The following NOTCH3 variants were observed in gnomAD, a reference collection of about 807,000 sequenced individuals.
NOTCH3 encodes the protein notch receptor 3, also known as neurogenic locus notch homolog protein 3.
Under a neutral mutation model 213.3 loss-of-function variants are expected in NOTCH3, and 86 were observed. That is an observed-to-expected ratio of 0.40 (90% confidence interval 0.34 to 0.48). The LOEUF (loss-of-function observed/expected upper bound fraction) is 0.48, where lower values mean the gene tolerates loss of function less well. Ranked by LOEUF, NOTCH3 falls within the 20% of genes least tolerant of loss-of-function variation. The probability of loss-of-function intolerance (pLI) is 0.57; values close to 1 mark genes in which losing one functional copy is unlikely to be tolerated. For missense variants in NOTCH3, 2,783 were observed against 3,272.6 expected (o/e 0.85, Z 3.65); for synonymous variants, 1,354 against 1,355.9 (o/e 1.00, Z 0.03).
At position 15,159,329 on chromosome 19, in the gene NOTCH3, C is replaced by T. The variant is rs1459494078; in HGVS notation, c.*1333G>A. 1.3e-5 allele frequency: 2 copies of T among 159,414 alleles called. No individual in the cohort carries two copies. Among genetic ancestry groups the T allele is most frequent in the Non-Finnish European group, 2.8e-5 (2 of 72,328 alleles). The allele number at this position is 159,414 out of a possible 1,614,324, so 9.9% of individuals were successfully genotyped here. On this transcript the variant is annotated 3_prime_UTR_variant, in exon 33 of 33. Transcript: ENST00000263388. ...CCTGTTTGCTTGTCTCTTTGCCCAC[C>T]ACCTCGAATTGGCCACTGATATTTC...
In NOTCH3 at chr19:15,189,041, G is replaced by A; in HGVS notation, c.1326C>T (p.Asn442=). ...CTATGCGGTCGAGGCACGTGGCCTG[G>A]TTTCGGCAGGGCCCCGACAGACACT... is the stretch of plus-strand genomic sequence containing the variant. ...VNECLSGPCR[N]QATCLDRIGQ... The change falls in exon 8 of 33, where the codon AAC becomes AAT. Residue 442 remains asparagine, a synonymous_variant. Coordinates refer to ENST00000263388, the MANE Select transcript of NOTCH3 (RefSeq NM_000435.3). 1 of 1,613,166 alleles carries A rather than the reference G, an allele frequency of 6.2e-7. No individual in the cohort carries two copies. The highest frequency in any genetic ancestry group is 8.5e-7 in the Non-Finnish European group (1 of 1,180,016).
intron 25 of NOTCH3, among the ~76,000 whole-genome samples, chr19:15,173,054 C>CCCTCCTTCTCCT (rs1568351206): frequency 1.8e-4 from 1 of 5,526 alleles, no homozygotes; most frequent in African/African-American, 1.9e-3. Flanking sequence ...TCCCTCCTCC[C>CCCTCCTTCTCCT]TCTTCTTCTT....
chr19:15,162,283 T>G, intron 32 of NOTCH3, 182 bp downstream of exon 32: 11 of 597,628 alleles, frequency 1.8e-5, no homozygotes, highest in East Asian at 2.9e-5. Context: ...CACCCAGCCA[T>G]TAGGCACAAA....
rs1199803741 is a variant in NOTCH3, at chr19:15,161,374, G to A, written c.6254C>T (p.Thr2085Met). The A allele has an allele frequency of 2.8e-5, 43 of 1,525,518 alleles. No homozygotes were observed. Among genetic ancestry groups the A allele is most frequent in the Non-Finnish European group, 3.5e-5 (40 of 1,138,184 alleles). 94.5% of individuals were successfully genotyped at this position (1,525,518 alleles called of 1,614,324 possible). Residue 2085 changes from threonine to methionine, a missense_variant, in exon 33 of 33, where the codon ACG (threonine) becomes ATG (methionine). Thr to Met is a moderately conservative substitution (Grantham distance 81). Transcript: ENST00000263388. Reference protein sequence around the residue: ...QGPRGRGKKLTLACPGPLADS... With the variant: ...QGPRGRGKKLMLACPGPLADS... Reference sequence around the variant, plus strand: ...AGCCAGGGGGCCCGGGCAGGCCAGCGTCAGCTTCTTGCCCCGCCCCCGGGG... The same window carrying A: ...AGCCAGGGGGCCCGGGCAGGCCAGCATCAGCTTCTTGCCCCGCCCCCGGGG...
In NOTCH3 at chr19:15,179,185, C is replaced by T. The variant is rs1412695768; in HGVS notation, c.3558G>A (p.Val1186=). ...GGGGACAGGTGCAGCGGAAACCACC[C>T]ACCAGGTCCACGCAGGTGCCATTGT... ...CLHNGTCVDL[V]GGFRCTCPPG... Residue 1186 remains valine (V), a synonymous_variant, in exon 22 of 33, where the codon GTG becomes GTA. Transcript: ENST00000263388. 1.2e-6 allele frequency: 2 copies of T among 1,614,098 alleles called. No homozygotes were observed. Among genetic ancestry groups the T allele is most frequent in the East Asian group, 2.2e-5 (1 of 44,872 alleles).
Position 15,160,961 on chromosome 19 carries a change from C to A in NOTCH3, c.6667G>T (p.Ala2223Ser). The A allele has an allele frequency of 6.3e-7, 1 of 1,576,358 alleles. No individual in the cohort carries two copies. Reference sequence around the variant, plus strand: ...GGGGGGCTGCTGTGTGCCCCAGCCGCCGGGTACTCCTCGCCATGTCCTGGG... The same window carrying A: ...GGGGGGCTGCTGTGTGCCCCAGCCGACGGGTACTCCTCGCCATGTCCTGGG... ...AVPGHGEEYP[A>S]AGAHSSPPKA... The change falls in exon 33 of 33, where the codon GCG (alanine) becomes TCG (serine). Residue 2223 changes from alanine to serine, a missense_variant. Ala to Ser is a moderately conservative substitution (Grantham distance 99, BLOSUM62 1). Coordinates refer to ENST00000263388, the MANE Select transcript of NOTCH3 (RefSeq NM_000435.3).
At chr19:15,171,981 C>T in intron 25 of NOTCH3, among the ~76,000 whole-genome samples, 1 of 151,520 alleles carries the variant, frequency 6.6e-6, no homozygotes, top group Non-Finnish European at 1.5e-5. Flanking sequence ...GCCACAACCT[C>T]CACGTCCAGG....
At chr19:15,189,709 G>A (rs2145437791) in intron 6 of NOTCH3, among the ~76,000 whole-genome samples, 1 of 151,814 alleles carries the variant, frequency 6.6e-6, no homozygotes, top group South Asian at 2.1e-4. Context: ...AGTAGAAACG[G>A]GGTTTCACCA....
At chr19:15,171,069 G>A (rs986257993) in intron 25 of NOTCH3, among the ~76,000 whole-genome samples, 3 of 152,148 alleles carry the variant, frequency 2.0e-5, no homozygotes, top group Non-Finnish European at 4.4e-5. Flanking sequence ...ATCTTGCACC[G>A]AGGCTGGAGT....
intron 16 of NOTCH3, among the ~76,000 whole-genome samples, chr19:15,183,499 A>C (rs1025633795): frequency 3.9e-5 from 6 of 152,190 alleles, no homozygotes; most frequent in Admixed American, 3.9e-4. Flanking sequence ...TCCAAGGTTC[A>C]AGTGATTCTC....
chr19:15,179,443 G>A lies in NOTCH3; in HGVS notation c.3381C>T (p.Ala1127=), dbSNP rs2145419049. 6.2e-7 allele frequency: 1 copy of A among 1,614,028 alleles called. No individual in the cohort carries two copies. Among genetic ancestry groups the A allele is most frequent in the Non-Finnish European group, 8.5e-7 (1 of 1,179,974 alleles). ...DNCEDDVDEC[A]SQPCQHGGSC... Reference sequence around the variant, plus strand: ...AACCCCCGTGCTGGCAGGGCTGGGAGGCACACTCGTCCACGTCGTCCTCAC... The same window carrying A: ...AACCCCCGTGCTGGCAGGGCTGGGAAGCACACTCGTCCACGTCGTCCTCAC... Residue 1127 remains alanine, a synonymous_variant, in exon 21 of 33, where the codon GCC becomes GCT. Coordinates refer to ENST00000263388, the MANE Select transcript of NOTCH3 (RefSeq NM_000435.3).
intron 18 of NOTCH3, 46 bp downstream of exon 18, chr19:15,180,915 G>T: frequency 6.3e-7 from 1 of 1,586,264 alleles, no homozygotes. Flanking sequence ...TCCCTCCTAG[G>T]ATCCCAGGCA....
At chr19:15,163,158 G>A (rs2046659780) in intron 31 of NOTCH3, among the ~76,000 whole-genome samples, 1 of 152,108 alleles carries the variant, frequency 6.6e-6, no homozygotes. Flanking sequence ...ACCAGCCTTG[G>A]CCTCCCAAAG....
chr19:15,180,266 G>C lies in NOTCH3; in HGVS notation c.3143-10C>G. On this transcript the variant is annotated splice_polypyrimidine_tract_variant and intron_variant, in intron 19 of 32. Coordinates refer to ENST00000263388, the MANE Select transcript of NOTCH3 (RefSeq NM_000435.3). ...TGCTCCAGCCGCACCCCTGCAAAGA[G>C]GAGAGTGGCACAGGAACAGAGGTAA... The C allele has an allele frequency of 6.2e-7, 1 of 1,613,616 alleles. No homozygotes were observed. Among genetic ancestry groups the C allele is most frequent in the Non-Finnish European group, 8.5e-7 (1 of 1,179,976 alleles).
Position 15,177,515 on chromosome 19 carries a change from A to T in NOTCH3, c.4403+10T>A, listed in dbSNP as rs2046801726. Reference sequence around the variant, plus strand: ...ATAGACAGACGGATCGATCGGGTGGATGGGCTCACTTGCAAGTGCGCTCGC... The same window carrying T: ...ATAGACAGACGGATCGATCGGGTGGTTGGGCTCACTTGCAAGTGCGCTCGC... On this transcript the variant is annotated intron_variant, in intron 24 of 32. Coordinates refer to ENST00000263388, the MANE Select transcript of NOTCH3 (RefSeq NM_000435.3). 6.2e-7 allele frequency: 1 copy of T among 1,605,664 alleles called. No individual in the cohort carries two copies. Among genetic ancestry groups the T allele is most frequent in the African/African-American group, 1.3e-5 (1 of 74,852 alleles).
At chr19:15,174,884 T>C (rs2046774954) in intron 24 of NOTCH3, among the ~76,000 whole-genome samples, 1 of 152,094 alleles carries the variant, frequency 6.6e-6, no homozygotes, top group African/African-American at 2.4e-5. Flanking sequence ...CTTGATAATA[T>C]TTTTTTAAAT....
chr19:15,163,779 C>T (rs1040987407), intron 31 of NOTCH3, among the ~76,000 whole-genome samples: 9 of 151,994 alleles, frequency 5.9e-5, no homozygotes, highest in East Asian at 3.9e-4. Context: ...TGCAGAGAGC[C>T]GTAATCATGC....
chr19:15,184,932 A>G lies in NOTCH3; in HGVS notation c.2384T>C (p.Val795Ala), dbSNP rs1305319142. The part of the protein sequence containing the change: ...RCESAPGQLP[V>A]CSCPQGWQGP... Reference sequence around the variant, plus strand: ...TTGCCAGCCCTGGGGGCAGGAGCAGACAGGCAGCTGGCCAGGGGCAGACTC... The same window carrying G: ...TTGCCAGCCCTGGGGGCAGGAGCAGGCAGGCAGCTGGCCAGGGGCAGACTC... Residue 795 changes from valine to alanine, a missense_variant, in exon 15 of 33, where the codon GTC becomes GCC. Transcript: ENST00000263388. 1.3e-6 allele frequency: 2 copies of G among 1,549,894 alleles called. No individual in the cohort carries two copies. Among genetic ancestry groups the G allele is most frequent in the Non-Finnish European group, 1.7e-6 (2 of 1,146,048 alleles).
chr19:15,178,741 A>G (rs1453554479), intron 23 of NOTCH3, 82 bp downstream of exon 23: 6 of 1,001,144 alleles, frequency 6.0e-6, no homozygotes, highest in Non-Finnish European at 6.2e-6. Context: ...CTAAAGCCAC[A>G]TCCTCCTCCT....
Sources: gnomAD v4.1 joint callset for allele counts (sites outside exome capture counted in the v4.1 genomes callset) on GRCh38, gnomAD v4.1.1 for gene constraint, MANE v1.5 for transcripts, NCBI Gene and HGNC (gene_info 2026-07-23, HGNC 2026-07-21) for gene names.